RDH8: variants seen among roughly 807,000 people sequenced by gnomAD.
The protein encoded by RDH8 is retinol dehydrogenase 8, also known as photoreceptor outer segment all-trans retinol dehydrogenase.
A neutral mutation model predicts 22.3 loss-of-function variants in RDH8; 14 were observed. The observed-to-expected ratio is 0.63, with a 90% CI of 0.42 to 0.98. The LOEUF (loss-of-function observed/expected upper bound fraction) is 0.98. Among genes scored for constraint, RDH8 ranks in the 50% least tolerant of loss-of-function variants. RDH8 has a pLI of 0.00. For missense variants in RDH8, 389 were observed against 409.8 expected (o/e 0.95, Z 0.44); for synonymous variants, 175 against 171.7 (o/e 1.02, Z -0.15).
chr19:10,018,572 C>T (rs1359637809), intron 2 of RDH8, among the ~76,000 whole-genome samples, 159 bp from the exon 3 acceptor site: 1 of 152,174 alleles, frequency 6.6e-6, no homozygotes, highest in African/African-American at 2.4e-5. Flanking sequence ...AAATGCTAAA[C>T]TGTGTTTAAA....
At chr19:10,015,349 A>C (rs1005287856) in intron 1 of RDH8, among the ~76,000 whole-genome samples, 8 of 151,884 alleles carry the variant, frequency 5.3e-5, no homozygotes, top group African/African-American at 1.9e-4. Flanking sequence ...GCTATTCGGG[A>C]GGCTGAGGCA....
Position 10,021,458 on chromosome 19 carries a change from C to A in RDH8, c.720+20C>A. The A allele has an allele frequency of 1.2e-6, 2 of 1,614,014 alleles. No individual in the cohort carries two copies. Among genetic ancestry groups the A allele is most frequent in the Non-Finnish European group, 1.7e-6 (2 of 1,179,914 alleles). On this transcript the variant is annotated intron_variant, in intron 5 of 5. Transcript: ENST00000591589. ...GTTCAGGTGAGTGAAGGGCCCAGAG[C>A]CCCAAGACGTGGCTCAGGTATGTTG...
Position 10,021,724 on chromosome 19 carries a change from T to C in RDH8, c.911T>C (p.Leu304Pro). The part of the protein sequence containing the change: ...LGLQCLSCGC[L>P]PTRVRPR ...CTTCAATGTCTGTCCTGCGGCTGCCTCCCAACGCGGGTGCGGCCAAGATGA... is the reference window on the plus strand; with the variant it reads ...CTTCAATGTCTGTCCTGCGGCTGCCCCCCAACGCGGGTGCGGCCAAGATGA... The change falls in exon 6 of 6, where the codon CTC (leucine) becomes CCC (proline). Residue 304 changes from leucine (L) to proline (P), a missense_variant. Leu to Pro is a moderately conservative substitution (Grantham distance 98). Coordinates refer to ENST00000591589, the MANE Select transcript of RDH8 (RefSeq NM_015725.4). The C allele has an allele frequency of 1.1e-5, 18 of 1,613,844 alleles. No individual in the cohort carries two copies. The highest frequency in any genetic ancestry group is 1.5e-5 in the Non-Finnish European group (18 of 1,180,032).
chr19:10,019,204 A>C (rs2087640845), intron 3 of RDH8, among the ~76,000 whole-genome samples: 1 of 152,114 alleles, frequency 6.6e-6, no homozygotes, highest in Non-Finnish European at 1.5e-5. Flanking sequence ...AGGCTGAGGC[A>C]CGAGAATTCC....
intron 1 of RDH8, 54 bp from the exon 2 acceptor site, chr19:10,017,003 C>T (rs1599242070): frequency 1.4e-6 from 2 of 1,445,650 alleles, no homozygotes; most frequent in Non-Finnish European, 1.8e-6. Flanking sequence ...GTGGCGCCCA[C>T]ACCAAGGGGA....
intron 3 of RDH8, among the ~76,000 whole-genome samples, chr19:10,019,624 T>C (rs1286239140): frequency 6.6e-6 from 1 of 151,306 alleles, no homozygotes; most frequent in East Asian, 2.0e-4. Flanking sequence ...CATTATGAAA[T>C]CCCATCTCTA....
At chr19:10,019,233 G>T (rs964832426) in intron 3 of RDH8, among the ~76,000 whole-genome samples, 1 of 152,098 alleles carries the variant, frequency 6.6e-6, no homozygotes, top group Non-Finnish European at 1.5e-5. Context: ...GGGAGGTGTA[G>T]GTTGCAGTGA....
At chr19:10,018,637 T>C in intron 2 of RDH8, 94 bp from the exon 3 acceptor site, 1 of 1,011,046 alleles carries the variant, frequency 9.9e-7, no homozygotes, top group Non-Finnish European at 1.5e-6. Flanking sequence ...GGCCTTGGAC[T>C]TGGAGTACGG....
In RDH8 at chr19:10,018,727, T is replaced by C. The variant is rs2087637552; in HGVS notation, c.263-4T>C. ...AAGGTAACCCTTAGTACCTCTTCTCTTAGTGAATAATGCTGGAATGGGCCT... is the reference window on the plus strand; with the variant it reads ...AAGGTAACCCTTAGTACCTCTTCTCCTAGTGAATAATGCTGGAATGGGCCT... On this transcript the variant is annotated splice_region_variant and splice_polypyrimidine_tract_variant and intron_variant, in intron 2 of 5. Coordinates refer to ENST00000591589, the MANE Select transcript of RDH8 (RefSeq NM_015725.4). 2 of 1,595,738 alleles carry C rather than the reference T, an allele frequency of 1.3e-6. No homozygotes were observed. The highest frequency in any genetic ancestry group is 1.7e-4 in the Middle Eastern group (1 of 5,992).
chr19:10,021,602 G>A lies in RDH8; in HGVS notation c.789G>A (p.Pro263=), dbSNP rs778417867. Reference sequence around the variant, plus strand: ...GACAGACCAACATCCGCTACTCGCCGCTGACCACGCTCAAAACCGTGGATT... The same window carrying A: ...GACAGACCAACATCCGCTACTCGCCACTGACCACGCTCAAAACCGTGGATT... ...LRRQTNIRYS[P]LTTLKTVDSS... is the part of the protein sequence containing the mutation. The change falls in exon 6 of 6, where the codon CCG becomes CCA. Residue 263 remains proline, a synonymous_variant. Transcript: ENST00000591589. The A allele has an allele frequency of 6.8e-6, 11 of 1,613,980 alleles. No individual in the cohort carries two copies. Among genetic ancestry groups the A allele is most frequent in the East Asian group, 4.5e-5 (2 of 44,878 alleles).
chr19:10,014,140 A>G (rs1287482527), intron 1 of RDH8, among the ~76,000 whole-genome samples: 1 of 152,198 alleles, frequency 6.6e-6, no homozygotes, highest in African/African-American at 2.4e-5. Flanking sequence ...CTGCACCTCT[A>G]GAATAAATCC....
At chr19:10,020,649 G>T in intron 3 of RDH8, 60 bp from the exon 4 acceptor site, 1 of 1,086,014 alleles carries the variant, frequency 9.2e-7, no homozygotes, top group South Asian at 1.3e-5. Flanking sequence ...CATCACCCTG[G>T]AACCCACAAA....
intron 1 of RDH8, among the ~76,000 whole-genome samples, chr19:10,014,706 T>C (rs1279721370): frequency 2.6e-5 from 4 of 151,826 alleles, no homozygotes; most frequent in African/African-American, 9.7e-5. Flanking sequence ...CCCGGCTAAG[T>C]TTTTGTATTT....
At chr19:10,013,668 A>G (rs1198334448) in intron 1 of RDH8, 68 bp downstream of exon 1, 1 of 1,535,704 alleles carries the variant, frequency 6.5e-7, no homozygotes, top group African/African-American at 1.4e-5. Flanking sequence ...TGTCTCCCCT[A>G]CCCATCCCTC....
chr19:10,020,847 G>A, intron 4 of RDH8, 45 bp downstream of exon 4: 1 of 1,409,180 alleles, frequency 7.1e-7, no homozygotes, highest in Non-Finnish European at 1.0e-6. Context: ...CCAGTGATGG[G>A]GAGGTGGCAT....
intron 1 of RDH8, among the ~76,000 whole-genome samples, chr19:10,014,904 C>T (rs1423683461): frequency 6.6e-6 from 1 of 152,178 alleles, no homozygotes; most frequent in Non-Finnish European, 1.5e-5. Flanking sequence ...GGTCTCCCAG[C>T]TGCAAAGTAG....
chr19:10,018,586 T>C (rs1644733), intron 2 of RDH8, 145 bp from the exon 3 acceptor site: 304,681 of 607,194 alleles, frequency 0.5, 78,521 homozygotes, highest in South Asian at 0.67. Context: ...GTTTAAAGGT[T>C]ACCAAGGTTT....
In RDH8 at chr19:10,021,643, A is replaced by G; in HGVS notation, c.830A>G (p.Tyr277Cys). Reference protein sequence around the residue: ...LKTVDSSGSLYVRTTHRLLFR... With the variant: ...LKTVDSSGSLCVRTTHRLLFR... ...ACCGTGGATTCCTCTGGCAGCCTGTATGTGCGAACGACCCACCGCCTCCTC... is the reference window on the plus strand; with the variant it reads ...ACCGTGGATTCCTCTGGCAGCCTGTGTGTGCGAACGACCCACCGCCTCCTC... Residue 277 changes from tyrosine to cysteine, a missense_variant, in exon 6 of 6, where the codon TAT (tyrosine) becomes TGT (cysteine). Transcript: ENST00000591589. 1 of 1,613,694 alleles carries G rather than the reference A, an allele frequency of 6.2e-7. No homozygotes were observed. Among genetic ancestry groups the G allele is most frequent in the East Asian group, 2.2e-5 (1 of 44,876 alleles).
intron 3 of RDH8, among the ~76,000 whole-genome samples, chr19:10,019,754 T>C (rs112679566): frequency 0.2 from 30,688 of 151,184 alleles, 3,399 homozygotes; most frequent in African/African-American, 0.31. Flanking sequence ...TGAGCTGAGA[T>C]TGCGCCATTG....
Sources: gnomAD v4.1 joint callset for allele counts (sites outside exome capture counted in the v4.1 genomes callset) on GRCh38, gnomAD v4.1.1 for gene constraint, MANE v1.5 for transcripts, NCBI Gene and HGNC (gene_info 2026-07-23, HGNC 2026-07-21) for gene names.